The following TBC1D5 variants were observed in gnomAD, a reference collection of about 807,000 sequenced individuals.
The protein encoded by TBC1D5 is TBC1 domain family member 5.
TBC1D5 carries 75 observed loss-of-function variants against 100.3 expected under a neutral mutation model. The observed-to-expected ratio is 0.75, with a 90% CI of 0.62 to 0.91. The LOEUF is 0.91. TBC1D5 is among the 40% of genes least tolerant of loss of function. TBC1D5 has a pLI of 0.00. For missense variants in TBC1D5, 910 were observed against 942.4 expected (o/e 0.97, Z 0.45); for synonymous variants, 323 against 325.6 (o/e 0.99, Z 0.09).
chr3:17,186,654 GA>G (rs1212598884), intron 18 of TBC1D5, among the ~76,000 whole-genome samples: 9 of 124,044 alleles, frequency 7.3e-5, no homozygotes, highest in Non-Finnish European at 1.1e-4. Flanking sequence ...AGGTTGAAGT[GA>G]GCCGAGATCA....
intron 13 of TBC1D5, among the ~76,000 whole-genome samples, chr3:17,316,888 G>A (rs1575293498): frequency 6.6e-6 from 1 of 152,154 alleles, no homozygotes; most frequent in Non-Finnish European, 1.5e-5. Flanking sequence ...ATGAAAAACT[G>A]AGAATCTTCA....
chr3:17,741,259 G>C (rs1010152554), upstream of TBC1D5, among the ~76,000 whole-genome samples: 1 of 152,172 alleles, frequency 6.6e-6, no homozygotes, highest in Non-Finnish European at 1.5e-5. Flanking sequence ...ATTAAGGTTT[G>C]AGTGTTCTGT....
At chr3:17,581,783 T>A (rs1482661521) in intron 2 of TBC1D5, among the ~76,000 whole-genome samples, 1 of 152,148 alleles carries the variant, frequency 6.6e-6, no homozygotes, top group East Asian at 1.9e-4. Flanking sequence ...TGGATCCCCA[T>A]CTCATTCAAA....
intron 1 of TBC1D5, among the ~76,000 whole-genome samples, chr3:17,660,628 G>A (rs1281565396): frequency 1.3e-5 from 2 of 152,210 alleles, no homozygotes; most frequent in African/African-American, 4.8e-5. Context: ...GCTATGGACA[G>A]TAGCTATCCT....
intron 2 of TBC1D5, among the ~76,000 whole-genome samples, chr3:17,590,411 G>T (rs1006887621): frequency 6.6e-6 from 1 of 152,206 alleles, no homozygotes; most frequent in African/African-American, 2.4e-5. Flanking sequence ...GGCACACTAT[G>T]AGCAAATTGG....
rs547639266 is a variant in TBC1D5 at position 17,382,234 on chromosome 3, T to G, written c.612+1679A>C. Among the ~76,000 whole-genome samples the G allele has an allele frequency of 1.1e-4, 16 of 152,124 alleles. No individual in the cohort carries two copies. In the East Asian group the frequency reaches 3.1e-3, roughly 29 times the overall value. ...TACCCTCATCTTACAGATGCAAAAC[T>G]AAAGATTAAAAAGGTTAAGTAAATT... On this transcript the variant is annotated intron_variant, in intron 9 of 21. Transcript: ENST00000253692.
chr3:17,682,306 T>C (rs183492783), intron 1 of TBC1D5, among the ~76,000 whole-genome samples: 2 of 151,420 alleles, frequency 1.3e-5, no homozygotes, highest in East Asian at 1.9e-4. Context: ...TGTAATGCTT[T>C]ATATGAAGAA....
At chr3:17,634,850 A>AC (rs1392414075) in intron 1 of TBC1D5, among the ~76,000 whole-genome samples, 3 of 152,158 alleles carry the variant, frequency 2.0e-5, no homozygotes, top group Non-Finnish European at 2.9e-5. Context: ...TATACTATGT[A>AC]CCCCCAAAAA....
intron 15 of TBC1D5, among the ~76,000 whole-genome samples, chr3:17,261,491 G>A (rs1283989005): frequency 6.6e-6 from 1 of 151,172 alleles, no homozygotes; most frequent in Non-Finnish European, 1.5e-5. Flanking sequence ...GGGTGGGGGG[G>A]GAGACAGGGT....
At chr3:17,545,600 A>G (rs1483827614) in intron 2 of TBC1D5, among the ~76,000 whole-genome samples, 1 of 152,262 alleles carries the variant, frequency 6.6e-6, no homozygotes, top group African/African-American at 2.4e-5. Flanking sequence ...CAAGGTACTT[A>G]CAGTCCAATG....
At chr3:17,223,681 C>T (rs976133652) in intron 17 of TBC1D5, among the ~76,000 whole-genome samples, 6 of 151,928 alleles carry the variant, frequency 3.9e-5, no homozygotes, top group African/African-American at 9.7e-5. Context: ...GCTGACATGG[C>T]GAAACCCCAT....
intron 3 of TBC1D5, among the ~76,000 whole-genome samples, chr3:17,507,097 G>C (rs976525285): frequency 5.3e-5 from 8 of 152,094 alleles, no homozygotes; most frequent in African/African-American, 1.9e-4. Flanking sequence ...GAAATATTTT[G>C]GTGAAACTAT....
intron 18 of TBC1D5, among the ~76,000 whole-genome samples, chr3:17,189,610 C>G (rs1238967054): frequency 6.6e-6 from 1 of 152,186 alleles, no homozygotes; most frequent in Non-Finnish European, 1.5e-5. Context: ...GGTATATTCT[C>G]TCATTATCTC....
chr3:17,686,474 A>C, intron 1 of TBC1D5, among the ~76,000 whole-genome samples: 1 of 147,870 alleles, frequency 6.8e-6, no homozygotes, highest in Non-Finnish European at 1.5e-5. Context: ...AATTAATTAA[A>C]GTGTTTTATA....
chr3:17,736,273 T>C (rs1279718562), intron 1 of TBC1D5, among the ~76,000 whole-genome samples: 1 of 151,958 alleles, frequency 6.6e-6, no homozygotes, highest in African/African-American at 2.4e-5. Flanking sequence ...AAATAAAATT[T>C]AATAAAATTA....
At chr3:17,290,725 A>G (rs1220507472) in intron 15 of TBC1D5, among the ~76,000 whole-genome samples, 2 of 152,206 alleles carry the variant, frequency 1.3e-5, no homozygotes, top group African/African-American at 4.8e-5. Context: ...TACATAAAAT[A>G]TAAATATGGA....
chr3:17,663,135 A>G (rs2066829312), intron 1 of TBC1D5: 1 of 152,242 alleles, frequency 6.6e-6, no homozygotes, highest in East Asian at 1.9e-4. Context: ...CATAGAAAAT[A>G]CAGAATATAA....
chr3:17,185,813 A>G (rs888958681), intron 18 of TBC1D5, among the ~76,000 whole-genome samples: 15 of 152,150 alleles, frequency 9.9e-5, no homozygotes, highest in African/African-American at 3.4e-4. Flanking sequence ...AGCAGCCCAT[A>G]AATTGTTGCT....
chr3:17,611,775 G>A (rs1372001950), intron 2 of TBC1D5, among the ~76,000 whole-genome samples: 2 of 152,110 alleles, frequency 1.3e-5, no homozygotes, highest in African/African-American at 2.4e-5. Flanking sequence ...AAAGTTGCCT[G>A]TAAAAAGAAA....
Sources: gnomAD v4.1 joint callset for allele counts (sites outside exome capture counted in the v4.1 genomes callset) on GRCh38, gnomAD v4.1.1 for gene constraint, MANE v1.5 for transcripts, NCBI Gene and HGNC (gene_info 2026-07-23, HGNC 2026-07-21) for gene names.